SNTG1: variants seen among roughly 807,000 people sequenced by gnomAD.
SNTG1 encodes gamma-1-syntrophin.
A neutral mutation model predicts 74.7 loss-of-function variants in SNTG1; 39 were observed. The ratio of observed to expected loss-of-function variants is 0.52; its 90% confidence interval spans 0.40 to 0.68. The LOEUF (loss-of-function observed/expected upper bound fraction) is 0.68. Ranked by LOEUF, SNTG1 falls within the 30% of genes least tolerant of loss-of-function variation. The probability of loss-of-function intolerance (pLI) is 0.00; values close to 1 mark genes in which losing one functional copy is unlikely to be tolerated. For synonymous variants in SNTG1, 254 were observed against 217.1 expected (o/e 1.17, Z -1.49); for missense variants, 685 against 609.5 (o/e 1.12, Z -1.30).
At chr8:50,029,983 C>T (rs1817611555) in intron 1 of SNTG1, among the ~76,000 whole-genome samples, 1 of 151,998 alleles carries the variant, frequency 6.6e-6, no homozygotes, top group Admixed American at 6.6e-5. Context: ...TGAGGGTTCC[C>T]CATTCTTGAC....
chr8:50,032,799 T>G (rs1239618077), intron 1 of SNTG1, among the ~76,000 whole-genome samples: 1 of 152,198 alleles, frequency 6.6e-6, no homozygotes, highest in African/African-American at 2.4e-5. Context: ...TATATTTTTT[T>G]TCATGTTGCT....
At position 50,493,115 on chromosome 8, in the gene SNTG1, C is replaced by T. The variant is rs967913629; in HGVS notation, c.364-9663C>T. On this transcript the variant is annotated intron_variant, in intron 8 of 18. Coordinates refer to ENST00000642720, the MANE Select transcript of SNTG1 (RefSeq NM_018967.5). Reference sequence around the variant, plus strand: ...GTTGGGAAAATTGGCTAGCCATATGCAGAAAACAGAACTCTTAAGATAGTA... The same window carrying T: ...GTTGGGAAAATTGGCTAGCCATATGTAGAAAACAGAACTCTTAAGATAGTA... Among the ~76,000 whole-genome samples, 4 of 152,108 alleles carry T rather than the reference C, an allele frequency of 2.6e-5. No homozygotes were observed. The East Asian group carries it at 5.8e-4, about 22-fold the overall frequency.
At chr8:50,208,925 G>A (rs1457126216) in intron 2 of SNTG1, among the ~76,000 whole-genome samples, 5 of 152,324 alleles carry the variant, frequency 3.3e-5, no homozygotes, top group South Asian at 4.1e-4. Context: ...CCACGGAGCA[G>A]GGCAGGGCAT....
intron 1 of SNTG1, among the ~76,000 whole-genome samples, chr8:50,149,295 T>A (rs1018223940): frequency 6.6e-6 from 1 of 152,194 alleles, no homozygotes; most frequent in Non-Finnish European, 1.5e-5. Flanking sequence ...ATATTAGCAC[T>A]TTGCAAGATG....
intron 4 of SNTG1, among the ~76,000 whole-genome samples, chr8:50,409,618 G>A (rs1052334390): frequency 6.6e-6 from 1 of 152,112 alleles, no homozygotes; most frequent in Non-Finnish European, 1.5e-5. Flanking sequence ...TGCTCCAGGG[G>A]AGCTGAAATC....
chr8:50,786,189 A>G, intron 18 of SNTG1, among the ~76,000 whole-genome samples: 1 of 151,976 alleles, frequency 6.6e-6, no homozygotes, highest in East Asian at 1.9e-4. Context: ...GCAGCATACA[A>G]TCCCAATGCA....
intron 1 of SNTG1, among the ~76,000 whole-genome samples, chr8:50,027,945 A>AC (rs1373698158): frequency 6.6e-6 from 1 of 152,184 alleles, no homozygotes; most frequent in Non-Finnish European, 1.5e-5. Flanking sequence ...TATCCAGCAT[A>AC]CCCTTCACCC....
At chr8:49,945,623 C>T (rs1809108822) in intron 1 of SNTG1, among the ~76,000 whole-genome samples, 1 of 152,178 alleles carries the variant, frequency 6.6e-6, no homozygotes. Flanking sequence ...TGCAGATTCG[C>T]TGGGTTCATG....
At chr8:50,668,576 G>T (rs927161638) in intron 15 of SNTG1, among the ~76,000 whole-genome samples, 2 of 150,762 alleles carry the variant, frequency 1.3e-5, no homozygotes, top group Non-Finnish European at 3.0e-5. Context: ...AAATGTGCAG[G>T]TTTCTTACCT....
chr8:50,217,420 A>T (rs1260915277), intron 2 of SNTG1, among the ~76,000 whole-genome samples: 1 of 152,024 alleles, frequency 6.6e-6, no homozygotes, highest in African/African-American at 2.4e-5. Flanking sequence ...CTATTTCCTG[A>T]CCTTTGCAAT....
chr8:50,221,791 A>T (rs574182705), intron 2 of SNTG1, among the ~76,000 whole-genome samples: 1 of 152,180 alleles, frequency 6.6e-6, no homozygotes, highest in Non-Finnish European at 1.5e-5. Context: ...TAACAATGCA[A>T]CAGGTTCCTT....
At chr8:50,054,848 G>T (rs1206206716) in intron 1 of SNTG1, among the ~76,000 whole-genome samples, 1 of 151,948 alleles carries the variant, frequency 6.6e-6, no homozygotes, top group Non-Finnish European at 1.5e-5. Context: ...ATTTCTTATT[G>T]TTATTTATTG....
In SNTG1 at chr8:50,554,408, C is replaced by A. The variant is rs564504625; in HGVS notation, c.810+1229C>A. ...CTATAATCTTCAAAACTCTGTGTCACGCTGCCTTTTGAATTTTTGGTTGAT... is the reference window on the plus strand; with the variant it reads ...CTATAATCTTCAAAACTCTGTGTCAAGCTGCCTTTTGAATTTTTGGTTGAT... On this transcript the variant is annotated intron_variant, in intron 12 of 18. Transcript: ENST00000642720. Among the ~76,000 whole-genome samples the A allele has an allele frequency of 3.3e-5, 5 of 151,914 alleles. No homozygotes were observed. In the East Asian group the frequency reaches 9.6e-4, roughly 29 times the overall value.
rs896964429 is a variant in SNTG1 at position 50,282,305 on chromosome 8, A to T, written c.-28+109670A>T. On this transcript the variant is annotated intron_variant, in intron 2 of 18. Transcript: ENST00000642720. ...AAACCAATAAATACTGTCAGTTTGT[A>T]AGAGAGAGTGCTCATGACAAAAATC... Among the ~76,000 whole-genome samples, 5 of 152,200 alleles carry T rather than the reference A, an allele frequency of 3.3e-5. No individual in the cohort carries two copies. In the South Asian group the frequency reaches 1.0e-3, roughly 32 times the overall value.
At chr8:50,607,922 T>G (rs1205340515) in intron 13 of SNTG1, among the ~76,000 whole-genome samples, 1 of 151,750 alleles carries the variant, frequency 6.6e-6, no homozygotes, top group African/African-American at 2.4e-5. Context: ...AACTCATTCA[T>G]GGTAGTTTCT....
intron 1 of SNTG1, among the ~76,000 whole-genome samples, chr8:49,971,060 C>A (rs1221268331): frequency 6.6e-6 from 1 of 152,094 alleles, no homozygotes; most frequent in Non-Finnish European, 1.5e-5. Flanking sequence ...GGCAGAGACA[C>A]AACCAAAAAA....
chr8:50,281,510 T>C (rs1428114406), intron 2 of SNTG1, among the ~76,000 whole-genome samples: 1 of 152,176 alleles, frequency 6.6e-6, no homozygotes, highest in Non-Finnish European at 1.5e-5. Flanking sequence ...CTTGCAGGGC[T>C]TCAGGAAAAA....
At chr8:50,076,375 G>T (rs1371236583) in intron 1 of SNTG1, among the ~76,000 whole-genome samples, 2 of 152,114 alleles carry the variant, frequency 1.3e-5, no homozygotes, top group East Asian at 3.9e-4. Flanking sequence ...AATGTTTAAG[G>T]TTGGACAATG....
At chr8:50,413,369 G>GT (rs1056375777) in intron 4 of SNTG1, among the ~76,000 whole-genome samples, 9 of 152,130 alleles carry the variant, frequency 5.9e-5, no homozygotes, top group Non-Finnish European at 1.3e-4. Context: ...ATGGTTGACA[G>GT]TTTGATGTAT....
Sources: allele counts gnomAD v4.1 joint callset (sites outside exome capture counted in the v4.1 genomes callset), GRCh38; gene constraint gnomAD v4.1.1; transcripts MANE v1.5; gene names NCBI Gene and HGNC (gene_info 2026-07-23, HGNC 2026-07-21).